The following KLHL29 variants were observed in gnomAD, a reference collection of about 807,000 sequenced individuals.
The protein encoded by KLHL29 is kelch like family member 29.
KLHL29 carries 21 observed loss-of-function variants against 80.4 expected under a neutral mutation model. The ratio of observed to expected loss-of-function variants is 0.26; its 90% CI spans 0.19 to 0.38. KLHL29 has a LOEUF of 0.38. Among genes scored for constraint, KLHL29 ranks in the 10% least tolerant of loss-of-function variants. The probability of loss-of-function intolerance (pLI) is 1.00; values close to 1 mark genes in which losing one functional copy is unlikely to be tolerated. For missense variants in KLHL29, 867 were observed against 1,223.9 expected, an observed-to-expected ratio of 0.71 and a Z score of 4.35; for synonymous variants, 511 against 526.8, an observed-to-expected ratio of 0.97 and a Z score of 0.41.
At chr2:23,475,806 T>C (rs544626928) in intron 2 of KLHL29, 139 bp downstream of exon 2, 16 of 155,076 alleles carry the variant, frequency 1.0e-4, no homozygotes, top group African/African-American at 3.6e-4. Context: ...CAGTGCGATT[T>C]TACCACAGGC....
intron 2 of KLHL29, among the ~76,000 whole-genome samples, chr2:23,524,719 C>T (rs974884990): frequency 6.6e-6 from 1 of 152,224 alleles, no homozygotes; most frequent in Non-Finnish European, 1.5e-5. Flanking sequence ...GTGTCCCTCC[C>T]AAGAGTCCAG....
rs551254102 is a variant in KLHL29, at chr2:23,562,413, T to A, written c.217T>A (p.Cys73Ser). ...LPTPATAPAP[C>S]TTGSSEAITS... is the part of the protein sequence containing the mutation. ...CACCCCGGCTACAGCTCCTGCTCCC[T>A]GCACCACCGGCAGCAGCGAGGCCAT... The change falls in exon 3 of 14, where the codon TGC (cysteine) becomes AGC (serine). Residue 73 changes from cysteine (C) to serine (S), a missense_variant. By Grantham distance (112) the Cys-to-Ser change is moderately radical (BLOSUM62 -1). Transcript: ENST00000486442. This position sits in a 1 kb window ranked among gnomAD's most constrained non-coding sequence, Gnocchi z 4.5. 9.8e-6 allele frequency: 15 copies of A among 1,538,208 alleles called. No homozygotes were observed. In the African/African-American group the frequency reaches 1.8e-4, roughly 18 times the overall value.
intron 3 of KLHL29, among the ~76,000 whole-genome samples, chr2:23,594,371 G>C (rs148673108): frequency 2.0e-5 from 3 of 152,158 alleles, no homozygotes; most frequent in Non-Finnish European, 4.4e-5. Flanking sequence ...GCTCTGGAAT[G>C]GCTCCCACCT....
At chr2:23,513,280 A>T (rs190124835) in intron 2 of KLHL29, among the ~76,000 whole-genome samples, 7 of 152,338 alleles carry the variant, frequency 4.6e-5, no homozygotes, top group Admixed American at 3.3e-4. Flanking sequence ...TCTTATAGAA[A>T]TCTGCCAGAG....
intron 2 of KLHL29, among the ~76,000 whole-genome samples, chr2:23,494,691 C>A (rs991240401): frequency 8.5e-5 from 13 of 152,194 alleles, no homozygotes; most frequent in African/African-American, 2.9e-4. Context: ...CCCCAAACCC[C>A]CAATCATGAT....
rs1259590993 is a variant in KLHL29 at position 23,596,024 on chromosome 2, C to G, written c.285+33543C>G. On this transcript the variant is annotated intron_variant, in intron 3 of 13. Coordinates refer to ENST00000486442, the MANE Select transcript of KLHL29 (RefSeq NM_052920.2). This position sits in a 1 kb window ranked among gnomAD's most constrained non-coding sequence, Gnocchi z 4.4. ...TCCCCGTGGTTTGTCAGGAGGACAC[C>G]GTTTTGTGGCATTGGGTCCACATTT... 6.6e-6 allele frequency among the ~76,000 whole-genome samples: 1 copy of G among 152,164 alleles called. No individual in the cohort carries two copies. Among genetic ancestry groups the G allele is most frequent in the Non-Finnish European group, 1.5e-5 (1 of 68,034 alleles).
chr2:23,424,082 T>C lies in KLHL29; in HGVS notation c.-154+38302T>C, dbSNP rs149921564. On this transcript the variant is annotated intron_variant, in intron 1 of 13. Coordinates refer to ENST00000486442, the MANE Select transcript of KLHL29 (RefSeq NM_052920.2). ...GACAGTGGGGCTCTTGCTCCTTTTCTTGTAATAACAGCACCATCCACCACT... is the reference window on the plus strand; with the variant it reads ...GACAGTGGGGCTCTTGCTCCTTTTCCTGTAATAACAGCACCATCCACCACT... Among the ~76,000 whole-genome samples, 241 of 152,328 alleles carry C rather than the reference T, an allele frequency of 1.6e-3. 1 individual carries two copies. Among genetic ancestry groups the C allele is most frequent in the African/African-American group, 5.3e-3 (221 of 41,576 alleles).
chr2:23,586,097 C>A (rs568049546), intron 3 of KLHL29, among the ~76,000 whole-genome samples: 2 of 152,194 alleles, frequency 1.3e-5, no homozygotes, highest in South Asian at 4.1e-4. Context: ...AGCCCTGTGT[C>A]AGGAATTGTT....
chr2:23,518,568 C>G (rs1036638366), intron 2 of KLHL29, among the ~76,000 whole-genome samples: 1 of 152,194 alleles, frequency 6.6e-6, no homozygotes, highest in African/African-American at 2.4e-5. Flanking sequence ...CCCCAGCTGT[C>G]CCCTCCGGGA....
intron 1 of KLHL29, among the ~76,000 whole-genome samples, chr2:23,417,743 C>T (rs1363494402): frequency 6.6e-6 from 1 of 152,112 alleles, no homozygotes; most frequent in Non-Finnish European, 1.5e-5. Context: ...CTGTCATAGA[C>T]CCTTTAGAGC....
chr2:23,631,451 G>A (rs182925114), intron 3 of KLHL29, among the ~76,000 whole-genome samples: 1 of 152,330 alleles, frequency 6.6e-6, no homozygotes, highest in East Asian at 1.9e-4. Flanking sequence ...CGGCATGCGA[G>A]CCAGAAGTGT....
At chr2:23,620,865 T>C (rs1249273852) in intron 3 of KLHL29, among the ~76,000 whole-genome samples, 1 of 152,212 alleles carries the variant, frequency 6.6e-6, no homozygotes, top group East Asian at 1.9e-4. Flanking sequence ...GGCCAGTGTG[T>C]GCTGCCGCGA....
At chr2:23,445,364 C>T (rs111914902) in intron 1 of KLHL29, among the ~76,000 whole-genome samples, 139 of 152,306 alleles carry the variant, frequency 9.1e-4, no homozygotes, top group African/African-American at 3.2e-3. Flanking sequence ...AGAGCAGCAG[C>T]ATGTCCTCTA....
chr2:23,596,967 T>C lies in KLHL29; in HGVS notation c.285+34486T>C, dbSNP rs904935521. On this transcript the variant is annotated intron_variant, in intron 3 of 13. Transcript: ENST00000486442. The surrounding 1 kb of genome is among the most constrained non-coding windows in gnomAD (Gnocchi z 4.4). Reference sequence around the variant, plus strand: ...TGCGTTTAGAATCAAATAGAGCTAATGGTGAAGTCTCTTCCCACTGAAAAG... The same window carrying C: ...TGCGTTTAGAATCAAATAGAGCTAACGGTGAAGTCTCTTCCCACTGAAAAG... 2.0e-5 allele frequency among the ~76,000 whole-genome samples: 3 copies of C among 152,124 alleles called. No homozygotes were observed. Among genetic ancestry groups the C allele is most frequent in the Non-Finnish European group, 4.4e-5 (3 of 68,016 alleles).
intron 5 of KLHL29, chr2:23,668,408 TC>T (rs1670613167): frequency 6.6e-6 from 1 of 152,196 alleles, no homozygotes; most frequent in Admixed American, 6.5e-5. Flanking sequence ...GGGGAGCAAG[TC>T]CATGACTGCC....
chr2:23,436,858 T>C (rs1242621325), intron 1 of KLHL29, among the ~76,000 whole-genome samples: 1 of 152,248 alleles, frequency 6.6e-6, no homozygotes, highest in African/African-American at 2.4e-5. Context: ...TTTCTCTGAC[T>C]AGAAGCTGCG....
intron 1 of KLHL29, among the ~76,000 whole-genome samples, chr2:23,414,900 C>T (rs1381930859): frequency 2.0e-5 from 3 of 152,222 alleles, no homozygotes; most frequent in African/African-American, 4.8e-5. Context: ...CAACAGAAAC[C>T]AATCCTGGGT....
chr2:23,572,849 C>T (rs1451633243), intron 3 of KLHL29, among the ~76,000 whole-genome samples: 3 of 152,178 alleles, frequency 2.0e-5, no homozygotes, highest in African/African-American at 4.8e-5. Context: ...TACAGGCACC[C>T]GCCTCCGCGC....
intron 1 of KLHL29, among the ~76,000 whole-genome samples, chr2:23,401,357 A>G (rs1288398666): frequency 6.6e-6 from 1 of 152,202 alleles, no homozygotes; most frequent in Non-Finnish European, 1.5e-5. Context: ...CCCCACCCTA[A>G]GTCCACCAGG....
Sources: gnomAD v4.1 joint callset for allele counts (sites outside exome capture counted in the v4.1 genomes callset) on GRCh38, gnomAD v4.1.1 for gene constraint, Gnocchi (gnomAD v3.1) non-coding constraint, MANE v1.5 for transcripts, NCBI Gene and HGNC (gene_info 2026-07-23, HGNC 2026-07-21) for gene names.